Variants in ACYP2 observed in about 807,000 individuals in gnomAD.
The protein encoded by ACYP2 is acylphosphatase-2.
ACYP2 carries 12 observed loss-of-function variants against 11.2 expected under a neutral mutation model. That is an observed-to-expected ratio of 1.08 (90% confidence interval 0.69 to 1.74). The LOEUF (loss-of-function observed/expected upper bound fraction) is 1.74. ACYP2 is among the 40% of genes most tolerant of loss of function. ACYP2 has a pLI of 0.00. For missense variants in ACYP2, 134 were observed against 101.9 expected (o/e 1.31, Z -1.35); for synonymous variants, 43 against 32.2 (o/e 1.33, Z -1.13).
At chr2:54,039,502 A>G (rs1374930595) in intron 2 of ACYP2, among the ~76,000 whole-genome samples, 1 of 151,952 alleles carries the variant, frequency 6.6e-6, no homozygotes, top group Admixed American at 6.6e-5. Flanking sequence ...ATGCTGCCCA[A>G]GCTGATCTCG....
intron 6 of ACYP2, among the ~76,000 whole-genome samples, chr2:54,301,608 T>C (rs1476577634): frequency 1.3e-5 from 2 of 152,232 alleles, no homozygotes; most frequent in Non-Finnish European, 2.9e-5. Flanking sequence ...TGTTTGATTA[T>C]GTGGCTCTGA....
intron 2 of ACYP2, among the ~76,000 whole-genome samples, chr2:54,005,360 G>A (rs1378096231): frequency 7.1e-6 from 1 of 140,802 alleles, no homozygotes; most frequent in African/African-American, 2.7e-5. Context: ...TTTTTTTTGA[G>A]ACGGAGTCTT....
intron 2 of ACYP2, among the ~76,000 whole-genome samples, chr2:54,008,096 C>T (rs896347864): frequency 9.9e-5 from 15 of 152,186 alleles, no homozygotes; most frequent in Non-Finnish European, 1.6e-4. Flanking sequence ...TTCACTCACT[C>T]ACCTGTAGAC....
intron 6 of ACYP2, among the ~76,000 whole-genome samples, chr2:54,211,306 C>A (rs1685322098): frequency 6.6e-6 from 1 of 152,154 alleles, no homozygotes; most frequent in African/African-American, 2.4e-5. Context: ...GGCTCCAAAA[C>A]CAAATTTCTA....
At chr2:53,981,161 A>G (rs2104510280) in intron 2 of ACYP2, among the ~76,000 whole-genome samples, 1 of 152,322 alleles carries the variant, frequency 6.6e-6, no homozygotes, top group South Asian at 2.1e-4. Context: ...TTCAGTACGG[A>G]CATGCTGTAC....
chr2:54,061,053 C>T (rs1243421640), intron 4 of ACYP2, among the ~76,000 whole-genome samples: 2 of 152,168 alleles, frequency 1.3e-5, no homozygotes, highest in African/African-American at 2.4e-5. Context: ...CATGGTCTCC[C>T]TATATTACCC....
intron 2 of ACYP2, among the ~76,000 whole-genome samples, chr2:54,022,125 C>G (rs968364368): frequency 6.6e-6 from 1 of 152,144 alleles, no homozygotes; most frequent in Non-Finnish European, 1.5e-5. Context: ...TCTTGATTCA[C>G]CAATTTTGAA....
intron 6 of ACYP2, chr2:54,142,012 TATA>T: frequency 2.3e-6 from 1 of 427,842 alleles, no homozygotes; most frequent in Non-Finnish European, 4.1e-6. Context: ...TGTGTGTGTG[TATA>T]TTTTGTTGTT....
chr2:54,043,411 G>C (rs1675350464), intron 2 of ACYP2, among the ~76,000 whole-genome samples: 1 of 152,126 alleles, frequency 6.6e-6, no homozygotes, highest in African/African-American at 2.4e-5. Flanking sequence ...GCATTTGGTG[G>C]CTGGGGCCAA....
chr2:54,001,692 C>A (rs1672811793), intron 2 of ACYP2, among the ~76,000 whole-genome samples: 1 of 152,154 alleles, frequency 6.6e-6, no homozygotes, highest in South Asian at 2.1e-4. Flanking sequence ...CTGTGTCTAG[C>A]CAAAAATACT....
At chr2:54,132,744 ATT>A (rs35059715) in intron 4 of ACYP2, among the ~76,000 whole-genome samples, 18,681 of 135,968 alleles carry the variant, frequency 0.14, 1,184 homozygotes, top group East Asian at 0.3. Context: ...CAATTGAATG[ATT>A]TTTTTTTTTT....
chr2:54,121,922 A>G (rs1048668554), intron 4 of ACYP2, among the ~76,000 whole-genome samples: 1 of 152,230 alleles, frequency 6.6e-6, no homozygotes, highest in African/African-American at 2.4e-5. Context: ...AAATTGAAGT[A>G]TTTGGGGATA....
intron 6 of ACYP2, among the ~76,000 whole-genome samples, chr2:54,149,965 C>T (rs1682071938): frequency 6.6e-6 from 1 of 152,112 alleles, no homozygotes; most frequent in Admixed American, 6.5e-5. Context: ...TTCCAGAAGG[C>T]AATAATCTTG....
intron 4 of ACYP2, among the ~76,000 whole-genome samples, chr2:54,066,886 C>G (rs1284887342): frequency 6.6e-6 from 1 of 152,158 alleles, no homozygotes. Context: ...GGATCAGAAG[C>G]TTTTAAAAAC....
rs572520718 is a variant in ACYP2, at chr2:54,115,904, G to A, written c.278-19549G>A. Reference sequence around the variant, plus strand: ...ATGACACAGCAGCGGCGGCGGGGAGGGAGGCGAAACGCGCATGCGCCCGAG... The same window carrying A: ...ATGACACAGCAGCGGCGGCGGGGAGAGAGGCGAAACGCGCATGCGCCCGAG... On this transcript the variant is annotated intron_variant, in intron 4 of 6. Coordinates refer to ENST00000607452, the MANE Select transcript of ACYP2 (RefSeq NM_001320586.2). 1,326 of 1,110,276 alleles carry A rather than the reference G, an allele frequency of 1.2e-3. 5 individuals are homozygous for A. Among genetic ancestry groups the A allele is most frequent in the Middle Eastern group, 1.5e-3 (6 of 4,072 alleles). 68.8% of individuals were successfully genotyped at this position (1,110,276 alleles called of 1,614,324 possible). A position where few individuals can be genotyped will look rare whatever the true frequency, so the allele number is the denominator to read the frequency against.
At chr2:54,258,500 G>C (rs1687650551) in intron 6 of ACYP2, among the ~76,000 whole-genome samples, 2 of 151,362 alleles carry the variant, frequency 1.3e-5, no homozygotes, top group Non-Finnish European at 1.5e-5. Flanking sequence ...TAAGAAATTT[G>C]GCTTTTATTC....
intron 4 of ACYP2, among the ~76,000 whole-genome samples, chr2:54,059,291 C>T (rs1226228421): frequency 6.6e-6 from 1 of 151,668 alleles, no homozygotes; most frequent in Non-Finnish European, 1.5e-5. Context: ...CAATCTTGGC[C>T]CACTGCAACC....
intron 4 of ACYP2, among the ~76,000 whole-genome samples, chr2:54,133,854 G>GT (rs1681071404): frequency 6.6e-6 from 1 of 152,152 alleles, no homozygotes; most frequent in Non-Finnish European, 1.5e-5. Flanking sequence ...AGTTCTCTAT[G>GT]TATCAATATT....
At chr2:53,997,537 C>A (rs1672630890) in intron 2 of ACYP2, among the ~76,000 whole-genome samples, 1 of 139,442 alleles carries the variant, frequency 7.2e-6, no homozygotes, top group African/African-American at 2.5e-5. Context: ...AACTCCTGAC[C>A]TCAGGTGATC....
Sources: gnomAD v4.1 joint callset for allele counts (sites outside exome capture counted in the v4.1 genomes callset) on GRCh38, gnomAD v4.1.1 for gene constraint, MANE v1.5 for transcripts, NCBI Gene and HGNC (gene_info 2026-07-23, HGNC 2026-07-21) for gene names.